Variants in SLC9A9 observed in about 807,000 individuals in gnomAD.
The protein encoded by SLC9A9 is solute carrier family 9 member A9.
SLC9A9 carries 62 observed loss-of-function variants against 77.8 expected under a neutral mutation model. That is an observed-to-expected ratio of 0.80 (90% CI 0.65 to 0.98). The LOEUF is 0.98. Ranked by LOEUF, SLC9A9 falls within the 50% of genes least tolerant of loss-of-function variation. The pLI is 0.00. For synonymous variants in SLC9A9, 320 were observed against 283.5 expected (o/e 1.13, Z -1.29); for missense variants, 775 against 774.9 (o/e 1.00, Z 0.00).
At chr3:143,491,273 T>C (rs944723591) in intron 11 of SLC9A9, among the ~76,000 whole-genome samples, 1 of 152,160 alleles carries the variant, frequency 6.6e-6, no homozygotes, top group Non-Finnish European at 1.5e-5. Context: ...ACTAATAATT[T>C]CAACCCCATT....
chr3:143,363,406 C>T (rs1162122050), intron 14 of SLC9A9, 78 bp downstream of exon 14: 3 of 1,294,224 alleles, frequency 2.3e-6, no homozygotes, highest in Non-Finnish European at 2.2e-6. Context: ...AGCAGGAGTG[C>T]ACACTTCAAT....
chr3:143,347,331 G>A (rs2032314106), intron 14 of SLC9A9, among the ~76,000 whole-genome samples: 1 of 152,198 alleles, frequency 6.6e-6, no homozygotes, highest in Non-Finnish European at 1.5e-5. Flanking sequence ...GAAAGAAGCA[G>A]AAATAGTTTT....
chr3:143,508,486 CACTT>C (rs1483429319), intron 9 of SLC9A9, among the ~76,000 whole-genome samples: 1 of 152,192 alleles, frequency 6.6e-6, no homozygotes, highest in East Asian at 1.9e-4. Context: ...TCTGAAATAA[CACTT>C]AGTTTCATAA....
At chr3:143,786,593 CCT>C (rs1468575576) in intron 4 of SLC9A9, among the ~76,000 whole-genome samples, 4 of 152,248 alleles carry the variant, frequency 2.6e-5, no homozygotes, top group Non-Finnish European at 5.9e-5. Context: ...ACTTCACTCT[CCT>C]CTCTGCTGCC....
At chr3:143,769,137 G>A (rs865916259) in intron 4 of SLC9A9, among the ~76,000 whole-genome samples, 1 of 152,090 alleles carries the variant, frequency 6.6e-6, no homozygotes, top group South Asian at 2.1e-4. Context: ...GTGATACATA[G>A]TATTATAGAT....
chr3:143,641,874 G>C (rs373635408), intron 6 of SLC9A9, among the ~76,000 whole-genome samples: 1 of 152,014 alleles, frequency 6.6e-6, no homozygotes, highest in African/African-American at 2.4e-5. Flanking sequence ...ATATTGTAGT[G>C]GATTATGAGT....
chr3:143,737,509 C>T (rs568303582), intron 4 of SLC9A9, among the ~76,000 whole-genome samples: 1 of 151,042 alleles, frequency 6.6e-6, no homozygotes, highest in African/African-American at 2.4e-5. Flanking sequence ...CCACAAAACT[C>T]TCACGAATGG....
At chr3:143,696,085 A>G (rs949914920) in intron 4 of SLC9A9, among the ~76,000 whole-genome samples, 1 of 152,102 alleles carries the variant, frequency 6.6e-6, no homozygotes, top group African/African-American at 2.4e-5. Flanking sequence ...ATTTTCTCCC[A>G]TTCTGTAGGT....
chr3:143,734,998 C>T (rs1934903172), intron 4 of SLC9A9, among the ~76,000 whole-genome samples: 1 of 152,204 alleles, frequency 6.6e-6, no homozygotes, highest in African/African-American at 2.4e-5. Context: ...AATCTGGCCA[C>T]AGCCCAGTTG....
chr3:143,489,884 A>G (rs2035711063), intron 11 of SLC9A9, among the ~76,000 whole-genome samples: 1 of 152,122 alleles, frequency 6.6e-6, no homozygotes, highest in Non-Finnish European at 1.5e-5. Context: ...TCTCCAAAGA[A>G]AATACACAAA....
At chr3:143,455,222 C>A (rs838630) in intron 12 of SLC9A9, among the ~76,000 whole-genome samples, 1 of 152,002 alleles carries the variant, frequency 6.6e-6, no homozygotes, top group South Asian at 2.1e-4. Flanking sequence ...AAAATCAATA[C>A]GCCATAGTTG....
At chr3:143,599,149 G>A (rs931592863) in intron 6 of SLC9A9, among the ~76,000 whole-genome samples, 2 of 152,210 alleles carry the variant, frequency 1.3e-5, no homozygotes, top group African/African-American at 2.4e-5. Flanking sequence ...AGCCTACCGT[G>A]TGCCTCATGG....
chr3:143,654,785 A>G lies in SLC9A9; in HGVS notation c.650-2425T>C, dbSNP rs73871003. Reference sequence around the variant, plus strand: ...ATGGAGGTTTCCTAGGCCCAGGAAAAGGAAGGTAAGGCCCTTACCCCACCT... The same window carrying G: ...ATGGAGGTTTCCTAGGCCCAGGAAAGGGAAGGTAAGGCCCTTACCCCACCT... On this transcript the variant is annotated intron_variant, in intron 5 of 15. Coordinates refer to ENST00000316549, the MANE Select transcript of SLC9A9 (RefSeq NM_173653.4). 7.9e-3 allele frequency among the ~76,000 whole-genome samples: 1,202 copies of G among 152,292 alleles called. 11 individuals carry two copies. The highest frequency in any genetic ancestry group is 0.027 in the African/African-American group (1,113 of 41,554).
At chr3:143,281,603 G>C (rs1938223186) in intron 14 of SLC9A9, among the ~76,000 whole-genome samples, 1 of 152,188 alleles carries the variant, frequency 6.6e-6, no homozygotes, top group South Asian at 2.1e-4. Flanking sequence ...TGACTACAGA[G>C]AGTTAGATTG....
At chr3:143,466,292 C>T (rs183827670) in intron 12 of SLC9A9, among the ~76,000 whole-genome samples, 2 of 152,340 alleles carry the variant, frequency 1.3e-5, no homozygotes, top group African/African-American at 4.8e-5. Context: ...GCCTAAAGCA[C>T]TGTTATTACC....
chr3:143,267,303 A>G (rs1182921832), intron 15 of SLC9A9, among the ~76,000 whole-genome samples: 3 of 150,324 alleles, frequency 2.0e-5, no homozygotes, highest in Non-Finnish European at 4.4e-5. Context: ...GTTTTGTAAC[A>G]TTCCTGCCTA....
At chr3:143,307,884 AC>A (rs937186393) in intron 14 of SLC9A9, among the ~76,000 whole-genome samples, 1 of 152,004 alleles carries the variant, frequency 6.6e-6, no homozygotes, top group African/African-American at 2.4e-5. Context: ...AACCAAATCA[AC>A]CCAGTTTGCT....
At chr3:143,770,424 T>C (rs1258466270) in intron 4 of SLC9A9, among the ~76,000 whole-genome samples, 1 of 152,180 alleles carries the variant, frequency 6.6e-6, no homozygotes, top group South Asian at 2.1e-4. Context: ...GCAGAGATGG[T>C]ATTTCAAACC....
At chr3:143,325,965 G>A (rs769334798) in intron 14 of SLC9A9, among the ~76,000 whole-genome samples, 3 of 152,076 alleles carry the variant, frequency 2.0e-5, no homozygotes, top group Non-Finnish European at 2.9e-5. Flanking sequence ...GTTTTTTAAT[G>A]GTTGAAACTC....
Sources: allele counts gnomAD v4.1 joint callset (sites outside exome capture counted in the v4.1 genomes callset), GRCh38; gene constraint gnomAD v4.1.1; transcripts MANE v1.5; gene names NCBI Gene and HGNC (gene_info 2026-07-23, HGNC 2026-07-21).